Variants in MACROD2 observed in about 807,000 individuals in gnomAD.
The protein encoded by MACROD2 is mono-ADP ribosylhydrolase 2, also known as ADP-ribose glycohydrolase MACROD2.
MACROD2 carries 36 observed loss-of-function variants against 70.4 expected under a neutral mutation model. That is an observed-to-expected ratio of 0.51 (90% CI 0.39 to 0.68). MACROD2 has a LOEUF of 0.68. MACROD2 is among the 30% of genes least tolerant of loss of function. MACROD2 has a pLI of 0.00. For missense variants in MACROD2, 496 were observed against 538.4 expected, an observed-to-expected ratio of 0.92 and a Z score of 0.78; for synonymous variants, 172 against 178.8, an observed-to-expected ratio of 0.96 and a Z score of 0.30.
At chr20:15,331,901 A>G (rs2077996484) in intron 6 of MACROD2, among the ~76,000 whole-genome samples, 1 of 151,638 alleles carries the variant, frequency 6.6e-6, no homozygotes, top group Non-Finnish European at 1.5e-5. Context: ...TCTATACATA[A>G]TTTTTTAAAA....
chr20:14,264,719 T>A (rs1467215890), intron 3 of MACROD2, among the ~76,000 whole-genome samples: 1 of 152,104 alleles, frequency 6.6e-6, no homozygotes, highest in Non-Finnish European at 1.5e-5. Context: ...GGAATTTCCT[T>A]ATGAGAAGGC....
chr20:15,179,347 C>T (rs1158648939), intron 5 of MACROD2, among the ~76,000 whole-genome samples: 2 of 152,226 alleles, frequency 1.3e-5, no homozygotes, highest in Non-Finnish European at 2.9e-5. Context: ...TAGTAAATTA[C>T]CATCCAGATT....
intron 6 of MACROD2, among the ~76,000 whole-genome samples, chr20:15,300,208 G>A (rs1325077342): frequency 6.6e-6 from 1 of 152,044 alleles, no homozygotes; most frequent in Non-Finnish European, 1.5e-5. Context: ...TCTCCATAGA[G>A]AGTTTTAGTT....
At chr20:15,764,787 C>G (rs2051495249) in intron 8 of MACROD2, among the ~76,000 whole-genome samples, 1 of 152,184 alleles carries the variant, frequency 6.6e-6, no homozygotes, top group South Asian at 2.1e-4. Flanking sequence ...ACAGCAATTT[C>G]TTGCTCAGAA....
intron 8 of MACROD2, among the ~76,000 whole-genome samples, chr20:15,820,313 C>CT (rs1414796037): frequency 6.6e-6 from 1 of 152,118 alleles, no homozygotes; most frequent in African/African-American, 2.4e-5. Context: ...GCCTCAGCCC[C>CT]TTGAGTATTT....
intron 5 of MACROD2, among the ~76,000 whole-genome samples, chr20:15,014,895 C>T (rs550843862): frequency 2.6e-5 from 4 of 151,888 alleles, no homozygotes; most frequent in African/African-American, 4.8e-5. Flanking sequence ...TTTTTTGATG[C>T]GATCCCCCCT....
At chr20:15,664,363 T>C (rs1429546859) in intron 8 of MACROD2, among the ~76,000 whole-genome samples, 1 of 152,234 alleles carries the variant, frequency 6.6e-6, no homozygotes, top group Non-Finnish European at 1.5e-5. Flanking sequence ...TTTTCTTTAA[T>C]GGGATGTAGT....
At chr20:15,443,443 A>G (rs1354196139) in intron 7 of MACROD2, among the ~76,000 whole-genome samples, 4 of 152,126 alleles carry the variant, frequency 2.6e-5, no homozygotes, top group African/African-American at 9.7e-5. Context: ...CAACAGGGAG[A>G]GTTTCCTACA....
At chr20:15,191,802 G>A (rs2076572243) in intron 5 of MACROD2, among the ~76,000 whole-genome samples, 2 of 152,082 alleles carry the variant, frequency 1.3e-5, no homozygotes, top group South Asian at 4.1e-4. Context: ...TCAAGGATTA[G>A]GCAGGAGGTA....
intron 8 of MACROD2, among the ~76,000 whole-genome samples, chr20:15,774,589 A>G (rs1418623492): frequency 1.3e-5 from 2 of 152,002 alleles, no homozygotes; most frequent in Non-Finnish European, 2.9e-5. Context: ...TTTCACTTCA[A>G]ACTTCAGAGA....
chr20:15,003,294 G>A (rs748118997), intron 5 of MACROD2, among the ~76,000 whole-genome samples: 5 of 152,178 alleles, frequency 3.3e-5, no homozygotes, highest in Non-Finnish European at 7.3e-5. Context: ...ACAACAGTAA[G>A]TGCTGCATGC....
chr20:15,066,863 CAG>C (rs1013165915), intron 5 of MACROD2, among the ~76,000 whole-genome samples: 11 of 144,806 alleles, frequency 7.6e-5, no homozygotes, highest in Admixed American at 6.4e-4. Context: ...TCCTGGGTGA[CAG>C]AGAGAGACTC....
At chr20:14,900,087 T>C (rs972771966) in intron 5 of MACROD2, among the ~76,000 whole-genome samples, 5 of 152,154 alleles carry the variant, frequency 3.3e-5, no homozygotes, top group African/African-American at 9.6e-5. Context: ...TTTATATCTT[T>C]GATTCTTTTA....
At chr20:14,832,362 A>AG (rs940785193) in intron 5 of MACROD2, among the ~76,000 whole-genome samples, 3 of 151,956 alleles carry the variant, frequency 2.0e-5, no homozygotes, top group Non-Finnish European at 2.9e-5. Flanking sequence ...TTTGCAAGTA[A>AG]GGGGGGTTGA....
chr20:14,510,231 C>T (rs995339839), intron 4 of MACROD2, among the ~76,000 whole-genome samples: 2 of 151,978 alleles, frequency 1.3e-5, no homozygotes, highest in African/African-American at 4.8e-5. Context: ...AGATTAAAAG[C>T]AGTTTTTCCT....
intron 3 of MACROD2, among the ~76,000 whole-genome samples, chr20:14,203,959 G>A (rs2081501588): frequency 6.6e-6 from 1 of 152,178 alleles, no homozygotes; most frequent in Non-Finnish European, 1.5e-5. Context: ...AGGTCCTTTT[G>A]CCCCTGGGCA....
At chr20:15,873,179 T>G (rs2064610699) in intron 9 of MACROD2, among the ~76,000 whole-genome samples, 1 of 152,212 alleles carries the variant, frequency 6.6e-6, no homozygotes, top group Non-Finnish European at 1.5e-5. Context: ...TGTCAAATTG[T>G]GCACTGTGTT....
intron 5 of MACROD2, among the ~76,000 whole-genome samples, chr20:14,772,873 A>G (rs1371836301): frequency 6.6e-6 from 1 of 152,058 alleles, no homozygotes; most frequent in Non-Finnish European, 1.5e-5. Context: ...CTGACTAAAA[A>G]GTGGCTTAAA....
chr20:15,004,619 G>A lies in MACROD2; in HGVS notation c.419-225321G>A, dbSNP rs113509677. Among the ~76,000 whole-genome samples the A allele has an allele frequency of 2.9e-3, 445 of 152,162 alleles. 1 individual carries two copies. Among genetic ancestry groups the A allele is most frequent in the Non-Finnish European group, 5.5e-3 (376 of 68,000 alleles). On this transcript the variant is annotated intron_variant, in intron 5 of 17. Transcript: ENST00000684519. ...TACTTTAGCTACAAGTTAAATAACAGCAACGGCCACTTTTTTTTTTCTCAC... is the reference window on the plus strand; with the variant it reads ...TACTTTAGCTACAAGTTAAATAACAACAACGGCCACTTTTTTTTTTCTCAC...
Sources: gnomAD v4.1 joint callset for allele counts (sites outside exome capture counted in the v4.1 genomes callset) on GRCh38, gnomAD v4.1.1 for gene constraint, MANE v1.5 for transcripts, NCBI Gene and HGNC (gene_info 2026-07-23, HGNC 2026-07-21) for gene names.